Variants in ARFGAP2 observed in about 807,000 individuals in gnomAD.
ARFGAP2 encodes ARF GTPase activating protein 2.
ARFGAP2 carries 45 observed loss-of-function variants against 71.9 expected under a neutral mutation model. The observed-to-expected ratio is 0.63, with a 90% CI of 0.49 to 0.80. ARFGAP2 has a LOEUF of 0.80. Among genes scored for constraint, ARFGAP2 ranks in the 30% least tolerant of loss-of-function variants. The pLI is 0.00. For synonymous variants in ARFGAP2, 248 were observed against 249.2 expected (o/e 1.00, Z 0.05); for missense variants, 633 against 673.9 (o/e 0.94, Z 0.67).
chr11:47,172,215 G>A, intron 8 of ARFGAP2, 66 bp downstream of exon 8: 1 of 1,516,156 alleles, frequency 6.6e-7, no homozygotes, highest in Non-Finnish European at 9.1e-7. Context: ...GTAAGGTCAA[G>A]GAGTGAACCC....
intron 5 of ARFGAP2, chr11:47,174,523 G>T (rs1203647414): frequency 6.3e-5 from 10 of 159,694 alleles, no homozygotes; most frequent in African/African-American, 2.2e-4. Flanking sequence ...AGCCTCCCAA[G>T]TAGCTGGGAC....
intron 10 of ARFGAP2, among the ~76,000 whole-genome samples, chr11:47,170,046 T>C (rs1952532395): frequency 2.0e-5 from 3 of 151,708 alleles, no homozygotes; most frequent in African/African-American, 7.3e-5. Context: ...ATCCAAGCAC[T>C]GGGCGCCGTG....
chr11:47,166,804 C>G lies in ARFGAP2; in HGVS notation c.1288G>C (p.Ala430Pro), dbSNP rs539021768. 6.2e-7 allele frequency: 1 copy of G among 1,614,156 alleles called. No homozygotes were observed. ...EARQKFAGAK[A>P]ISSDMFFGRE... ...CCAAAGAACATGTCAGATGAGATGG[C>G]TTTGGCTCCTGCGAATTTCTGACGC... is the stretch of plus-strand genomic sequence containing the variant. The change falls in exon 13 of 16, where the codon GCC becomes CCC. Residue 430 changes from alanine (A) to proline (P), a missense_variant. Ala to Pro is a conservative substitution (Grantham distance 27, BLOSUM62 -1). Transcript: ENST00000524782.
chr11:47,175,289 A>G lies in ARFGAP2; in HGVS notation c.289T>C (p.Cys97Arg), dbSNP rs749103910. 26 of 1,614,014 alleles carry G rather than the reference A, an allele frequency of 1.6e-5. No homozygotes were observed. Among genetic ancestry groups the G allele is most frequent in the Admixed American group, 6.7e-5 (4 of 59,996 alleles). The change falls in exon 4 of 16, where the codon TGC (cysteine) becomes CGC (arginine). Residue 97 changes from cysteine to arginine, a missense_variant. Coordinates refer to ENST00000524782, the MANE Select transcript of ARFGAP2 (RefSeq NM_032389.6). The stretch of plus-strand genomic sequence containing the variant: ...TTGGTGTTGGCATCATTGGCTGTGC[A>G]TCCATGTTGGCGAAAAAAAGCCGTC... ...NATAFFRQHG[C>R]TANDANTKYN...
intron 14 of ARFGAP2, 25 bp downstream of exon 14, chr11:47,166,481 G>A: frequency 1.2e-6 from 2 of 1,612,738 alleles, no homozygotes; most frequent in Non-Finnish European, 1.7e-6. Flanking sequence ...CTCACTTGGT[G>A]CCTGCCACCC....
intron 2 of ARFGAP2, 123 bp downstream of exon 2, chr11:47,176,393 C>T (rs1952826436): frequency 2.1e-6 from 2 of 966,842 alleles, no homozygotes; most frequent in Non-Finnish European, 3.2e-6. Context: ...CTACCGGACC[C>T]TCTCGGCCCA....
In ARFGAP2 at chr11:47,171,678, C is replaced by T. The variant is rs201966162; in HGVS notation, c.795G>A (p.Gln265=). 207 of 1,613,834 alleles carry T rather than the reference C, an allele frequency of 1.3e-4. 5 individuals carry two copies. In the South Asian group the frequency reaches 2.2e-3, roughly 17 times the overall value. Residue 265 remains glutamine (Q), a synonymous_variant, in exon 9 of 16, where the codon CAG becomes CAA. Transcript: ENST00000524782. Reference sequence around the variant, plus strand: ...CAAACACTTACATGGACTCCTCCGCCTGCTTCTTGGCATCGGCTGCCTGCT... The same window carrying T: ...CAAACACTTACATGGACTCCTCCGCTTGCTTCTTGGCATCGGCTGCCTGCT... The part of the protein sequence containing the change: ...REQQAADAKK[Q]AEESMVASMR...
At chr11:47,166,433 C>T (rs1009965415) in intron 14 of ARFGAP2, 47 bp from the exon 15 acceptor site, 20 of 1,611,366 alleles carry the variant, frequency 1.2e-5, no homozygotes, top group Non-Finnish European at 1.7e-5. Context: ...AGAAGCCCTT[C>T]CCAGTCACAG....
Position 47,166,883 on chromosome 11 carries a change from G to A in ARFGAP2, c.1209C>T (p.Ala403=), listed in dbSNP as rs1228737966. ...ISSIRPISER[A]TNRREVESRS... ...GGCTCTCCACTTCCCTCCGGTTTGT[G>A]GCTCTGAGGGGAAGATGTGGAATAT... Residue 403 remains alanine (A), a synonymous_variant, in exon 13 of 16, where the codon GCC becomes GCT. Transcript: ENST00000524782. 1 of 1,613,056 alleles carries A rather than the reference G, an allele frequency of 6.2e-7. No individual in the cohort carries two copies. The highest frequency in any genetic ancestry group is 8.5e-7 in the Non-Finnish European group (1 of 1,179,714).
chr11:47,174,457 G>A (rs924232914), intron 5 of ARFGAP2: 12 of 139,248 alleles, frequency 8.6e-5, no homozygotes, highest in African/African-American at 3.0e-4. Flanking sequence ...CTGCAGTGGC[G>A]CAATCTCGGC....
At chr11:47,170,267 T>C (rs1362469542) in intron 10 of ARFGAP2, among the ~76,000 whole-genome samples, 1 of 134,198 alleles carries the variant, frequency 7.5e-6, no homozygotes, top group East Asian at 2.2e-4. Context: ...GAGGCTGCAG[T>C]GGGCTGAGAT....
chr11:47,164,963 G>A lies in ARFGAP2; in HGVS notation c.*519C>T, dbSNP rs1952291256. 1 of 154,414 alleles carries A rather than the reference G, an allele frequency of 6.5e-6. No homozygotes were observed. Among genetic ancestry groups the A allele is most frequent in the Non-Finnish European group, 1.4e-5 (1 of 69,774 alleles). The allele number at this position is 154,414 out of a possible 1,614,324, so 9.6% of individuals were successfully genotyped here. A position where few individuals can be genotyped will look rare whatever the true frequency, so the allele number is the denominator to read the frequency against. On this transcript the variant is annotated 3_prime_UTR_variant, in exon 16 of 16. Coordinates refer to ENST00000524782, the MANE Select transcript of ARFGAP2 (RefSeq NM_032389.6). ...TTCCCCTCTCCTGGCACCCAGAAGA[G>A]GCCACTGGCAGCAGCAGCAGCAGCA...
intron 7 of ARFGAP2, among the ~76,000 whole-genome samples, 186 bp from the exon 8 acceptor site, chr11:47,172,519 C>G (rs913359547): frequency 1.3e-5 from 2 of 152,198 alleles, no homozygotes; most frequent in African/African-American, 4.8e-5. Flanking sequence ...GGGGTATTTA[C>G]TGGCACCCAG....
intron 10 of ARFGAP2, 148 bp downstream of exon 10, chr11:47,171,278 T>C: frequency 7.7e-7 from 1 of 1,290,818 alleles, no homozygotes; most frequent in South Asian, 1.5e-5. Context: ...CGCCAAGCAC[T>C]GTATTAGGGA....
chr11:47,170,157 T>G (rs1450402649), intron 10 of ARFGAP2, among the ~76,000 whole-genome samples: 1 of 151,696 alleles, frequency 6.6e-6, no homozygotes, highest in Non-Finnish European at 1.5e-5. Context: ...AAACCCCATC[T>G]CTACTAAAAT....
At chr11:47,176,389 G>A in intron 2 of ARFGAP2, 127 bp downstream of exon 2, 2 of 918,554 alleles carry the variant, frequency 2.2e-6, no homozygotes, top group South Asian at 3.0e-5. Context: ...GAGGCTACCG[G>A]ACCCTCTCGG....
chr11:47,169,140 C>T (rs1436560431), intron 10 of ARFGAP2, among the ~76,000 whole-genome samples: 9 of 151,634 alleles, frequency 5.9e-5, no homozygotes, highest in African/African-American at 1.9e-4. Context: ...GGTGAAACCC[C>T]GTCTCTACTA....
In ARFGAP2 at chr11:47,172,272, C is replaced by G; in HGVS notation, c.672+9G>C. On this transcript the variant is annotated intron_variant, in intron 8 of 15. Coordinates refer to ENST00000524782, the MANE Select transcript of ARFGAP2 (RefSeq NM_032389.6). Reference sequence around the variant, plus strand: ...TAACCCCTCTACCATACCACCTCTCCCCACCTACCCCTTTCTTAGCTGCTG... The same window carrying G: ...TAACCCCTCTACCATACCACCTCTCGCCACCTACCCCTTTCTTAGCTGCTG... 1 of 1,614,142 alleles carries G rather than the reference C, an allele frequency of 6.2e-7. No homozygotes were observed. The highest frequency in any genetic ancestry group is 1.1e-5 in the South Asian group (1 of 91,084).
At position 47,164,873 on chromosome 11, in the gene ARFGAP2, C is replaced by A. The variant is rs1055447; in HGVS notation, c.*609G>T. ...AGAACCCAAGGGTCTCCGGTCTGAT[C>A]CCAAATGAAACCTTTAGGTACCAGG... On this transcript the variant is annotated 3_prime_UTR_variant, in exon 16 of 16. Transcript: ENST00000524782. The A allele has an allele frequency of 0.52, 78,353 of 152,114 alleles. 20,513 individuals are homozygous for A. Among genetic ancestry groups the A allele is most frequent in the South Asian group, 0.64 (3,089 of 4,806 alleles). The allele number at this position is 152,114 out of a possible 1,614,324, so 9.4% of individuals were successfully genotyped here. A position where few individuals can be genotyped will look rare whatever the true frequency, so the allele number is the denominator to read the frequency against.
Sources: allele counts gnomAD v4.1 joint callset (sites outside exome capture counted in the v4.1 genomes callset), GRCh38; gene constraint gnomAD v4.1.1; transcripts MANE v1.5; gene names NCBI Gene and HGNC (gene_info 2026-07-23, HGNC 2026-07-21).